Variants in PAQR5 observed in about 807,000 individuals in gnomAD.
The protein encoded by PAQR5 is progestin and adipoQ receptor family member 5, also known as membrane progestin receptor gamma.
PAQR5 carries 20 observed loss-of-function variants against 34.5 expected under a neutral mutation model. That is an observed-to-expected ratio of 0.58 (90% CI 0.41 to 0.84). The LOEUF is 0.84. PAQR5 is among the 40% of genes least tolerant of loss of function. The pLI is 0.00. For missense variants in PAQR5, 378 were observed against 412.7 expected, an observed-to-expected ratio of 0.92 and a Z score of 0.73; for synonymous variants, 131 against 155.6, an observed-to-expected ratio of 0.84 and a Z score of 1.18.
intron 1 of PAQR5, among the ~76,000 whole-genome samples, chr15:69,320,204 A>G (rs570669021): frequency 6.6e-6 from 1 of 152,358 alleles, no homozygotes; most frequent in East Asian, 1.9e-4. Flanking sequence ...TGGGTAGCAT[A>G]GAGCCAGAAC....
intron 5 of PAQR5, among the ~76,000 whole-genome samples, chr15:69,388,673 T>C (rs1277067999): frequency 6.6e-6 from 1 of 152,112 alleles, no homozygotes; most frequent in African/African-American, 2.4e-5. Context: ...CAGCTGGGAG[T>C]ATGGGACCAG....
chr15:69,361,456 G>A (rs538255545), intron 3 of PAQR5, among the ~76,000 whole-genome samples: 45 of 152,276 alleles, frequency 3.0e-4, no homozygotes, highest in African/African-American at 1.1e-3. Context: ...CATCACGAGG[G>A]AGTGTATTAG....
intron 2 of PAQR5, among the ~76,000 whole-genome samples, chr15:69,358,599 A>G (rs542417658): frequency 2.4e-4 from 34 of 139,026 alleles, no homozygotes; most frequent in African/African-American, 9.2e-4. Flanking sequence ...AGACTGGGTG[A>G]CCTCTAAGGC....
At chr15:69,397,384 C>T (rs2056473953) in intron 6 of PAQR5, 84 bp from the exon 7 acceptor site, 1 of 879,590 alleles carries the variant, frequency 1.1e-6, no homozygotes, top group African/African-American at 1.6e-5. Flanking sequence ...GATGACCAGG[C>T]CCTCGGTGTG....
rs1456165455 is a variant in PAQR5, at chr15:69,404,077, T to C, written c.*255T>C. The C allele has an allele frequency of 2.5e-6, 1 of 399,878 alleles. No individual in the cohort carries two copies. Among genetic ancestry groups the C allele is most frequent in the African/African-American group, 2.0e-5 (1 of 48,996 alleles). 24.8% of individuals were successfully genotyped at this position (399,878 alleles called of 1,614,324 possible). A position where few individuals can be genotyped will look rare whatever the true frequency, so the allele number is the denominator to read the frequency against. Reference sequence around the variant, plus strand: ...TTAAGGCAAACTATTGATATTTCATTAATTTTAAATTTACTTAAAATGTGG... The same window carrying C: ...TTAAGGCAAACTATTGATATTTCATCAATTTTAAATTTACTTAAAATGTGG... On this transcript the variant is annotated 3_prime_UTR_variant, in exon 9 of 9. Coordinates refer to ENST00000395407, the MANE Select transcript of PAQR5 (RefSeq NM_017705.4).
intron 3 of PAQR5, among the ~76,000 whole-genome samples, chr15:69,364,971 C>T (rs978401744): frequency 1.3e-5 from 2 of 151,986 alleles, no homozygotes; most frequent in Non-Finnish European, 1.5e-5. Flanking sequence ...CCCCTGACCT[C>T]GTGATTCACC....
Position 69,397,501 on chromosome 15 carries a change from G to A in PAQR5, c.546G>A (p.Lys182=), listed in dbSNP as rs1369989449. 1.2e-6 allele frequency: 2 copies of A among 1,613,800 alleles called. No individual in the cohort carries two copies. The highest frequency in any genetic ancestry group is 2.2e-5 in the South Asian group (2 of 91,088). ...FLEIQKPRLC[K]VIRVLAFAYP... ...AAATCCAGAAGCCCAGACTCTGTAA[G>A]GTGATTCGTGTCCTCGCCTTTGCTT... is the stretch of plus-strand genomic sequence containing the variant. Residue 182 remains lysine (K), a synonymous_variant, in exon 7 of 9, where the codon AAG becomes AAA. Coordinates refer to ENST00000395407, the MANE Select transcript of PAQR5 (RefSeq NM_017705.4).
chr15:69,346,926 C>T lies in PAQR5; in HGVS notation c.-116+9425C>T, dbSNP rs916714070. On this transcript the variant is annotated intron_variant, in intron 2 of 8. Coordinates refer to ENST00000395407, the MANE Select transcript of PAQR5 (RefSeq NM_017705.4). Reference sequence around the variant, plus strand: ...CCGCCTCCTGGATTCAAGCAATTCTCCTGCTTCAACCTCCTGAGTAGCTGG... The same window carrying T: ...CCGCCTCCTGGATTCAAGCAATTCTTCTGCTTCAACCTCCTGAGTAGCTGG... 6.6e-5 allele frequency among the ~76,000 whole-genome samples: 10 copies of T among 152,212 alleles called. No homozygotes were observed. In the South Asian group the frequency reaches 1.7e-3, roughly 25 times the overall value.
At chr15:69,347,109 A>G (rs2054795132) in intron 2 of PAQR5, among the ~76,000 whole-genome samples, 1 of 152,168 alleles carries the variant, frequency 6.6e-6, no homozygotes, top group South Asian at 2.1e-4. Context: ...GGTGTGAGCC[A>G]CCACGCCAGG....
At chr15:69,338,383 G>A (rs954372465) in intron 2 of PAQR5, among the ~76,000 whole-genome samples, 3 of 152,166 alleles carry the variant, frequency 2.0e-5, no homozygotes, top group African/African-American at 7.2e-5. Flanking sequence ...TTAAAATTGG[G>A]AATTGTACTC....
At chr15:69,384,967 T>G in intron 5 of PAQR5, 85 bp downstream of exon 5, 1 of 966,452 alleles carries the variant, frequency 1.0e-6, no homozygotes, top group Non-Finnish European at 1.6e-6. Flanking sequence ...ACCAGAAGGC[T>G]TTGATGAGTT....
At chr15:69,326,961 A>G (rs1246289574) in intron 1 of PAQR5, among the ~76,000 whole-genome samples, 1 of 151,588 alleles carries the variant, frequency 6.6e-6, no homozygotes, top group Non-Finnish European at 1.5e-5. Context: ...CAAATGCTTA[A>G]TGTCATGTTT....
chr15:69,386,029 TAC>T (rs1157163174), intron 5 of PAQR5, among the ~76,000 whole-genome samples: 3 of 144,664 alleles, frequency 2.1e-5, no homozygotes, highest in Non-Finnish European at 4.5e-5. Flanking sequence ...ACACATCACA[TAC>T]ACACAATACA....
intron 1 of PAQR5, among the ~76,000 whole-genome samples, chr15:69,334,702 C>T (rs2054470657): frequency 6.6e-6 from 1 of 152,184 alleles, no homozygotes; most frequent in Admixed American, 6.5e-5. Context: ...ATGCGTTTTA[C>T]ATACTAGGTG....
chr15:69,405,743 C>T lies in PAQR5; in HGVS notation c.*1921C>T, dbSNP rs966537765. 1.4e-4 allele frequency: 21 copies of T among 152,054 alleles called. No homozygotes were observed. Among genetic ancestry groups the T allele is most frequent in the African/African-American group, 5.1e-4 (21 of 41,386 alleles). The allele number at this position is 152,054 out of a possible 1,614,324, so 9.4% of individuals were successfully genotyped here. On this transcript the variant is annotated 3_prime_UTR_variant, in exon 9 of 9. Coordinates refer to ENST00000395407, the MANE Select transcript of PAQR5 (RefSeq NM_017705.4). ...AGTAAGTACTGAAATAATGAGTGAC[C>T]AATTTGAAGGATTTTTAGATTATTT...
intron 1 of PAQR5, among the ~76,000 whole-genome samples, chr15:69,326,476 C>T (rs917466104): frequency 3.4e-5 from 5 of 148,086 alleles, no homozygotes; most frequent in African/African-American, 1.3e-4. Flanking sequence ...CACTCTGTTG[C>T]ACAGTCTGGA....
At chr15:69,331,855 G>A (rs1404055252) in intron 1 of PAQR5, among the ~76,000 whole-genome samples, 1 of 152,172 alleles carries the variant, frequency 6.6e-6, no homozygotes, top group Non-Finnish European at 1.5e-5. Context: ...GCAACCTGTT[G>A]GTTAGCATCT....
At chr15:69,350,519 T>C (rs888536240) in intron 2 of PAQR5, among the ~76,000 whole-genome samples, 1 of 152,146 alleles carries the variant, frequency 6.6e-6, no homozygotes, top group Non-Finnish European at 1.5e-5. Context: ...GGCGCACACC[T>C]GTAGTCCCAG....
At chr15:69,307,408 G>A (rs1231492003) in intron 1 of PAQR5, among the ~76,000 whole-genome samples, 1 of 152,156 alleles carries the variant, frequency 6.6e-6, no homozygotes. Context: ...AGGAAGACGT[G>A]TTTGAATTAG....
Sources: gnomAD v4.1 joint callset for allele counts (sites outside exome capture counted in the v4.1 genomes callset) on GRCh38, gnomAD v4.1.1 for gene constraint, MANE v1.5 for transcripts, NCBI Gene and HGNC (gene_info 2026-07-23, HGNC 2026-07-21) for gene names.